Variants in MSRA observed in about 807,000 individuals in gnomAD.
MSRA encodes the protein mitochondrial peptide methionine sulfoxide reductase.
A neutral mutation model predicts 31.3 loss-of-function variants in MSRA; 54 were observed. The ratio of observed to expected loss-of-function variants is 1.73; its 90% CI spans 1.39 to 2.17. MSRA has a LOEUF of 2.17. Among genes scored for constraint, MSRA ranks in the 30% most tolerant of loss-of-function variants. MSRA has a pLI of 0.00. For missense variants in MSRA, 507 were observed against 300.9 expected (o/e 1.69, Z -5.07); for synonymous variants, 169 against 116.5 (o/e 1.45, Z -2.90).
Position 10,234,466 on chromosome 8 carries a change from G to A in MSRA, c.212-10638G>A, listed in dbSNP as rs17151402. ...CACTAGAAGAACAGATTTTTTTTTC[G>A]TTTTGCCTCCAAATTGGCCAAGGGT... On this transcript the variant is annotated intron_variant, in intron 2 of 5. Transcript: ENST00000317173. Among the ~76,000 whole-genome samples, 1,499 of 151,126 alleles carry A rather than the reference G, an allele frequency of 9.9e-3. 24 individuals carry two copies. Among genetic ancestry groups the A allele is most frequent in the African/African-American group, 0.035 (1,426 of 41,230 alleles).
chr8:10,076,605 A>C (rs1384302794), intron 1 of MSRA, among the ~76,000 whole-genome samples: 1 of 152,066 alleles, frequency 6.6e-6, no homozygotes, highest in Non-Finnish European at 1.5e-5. Flanking sequence ...TGATTGCCCC[A>C]GTCTAGTTTA....
At position 10,428,728 on chromosome 8, in the gene MSRA, T is replaced by G; in HGVS notation, c.*416T>G. ...AGCCTCAGTGACTCATTCGCTGAAA[T>G]CCTTCGCTTTACCAAATCTAGACAT... On this transcript the variant is annotated 3_prime_UTR_variant, in exon 6 of 6. Transcript: ENST00000317173. 5.1e-6 allele frequency: 1 copy of G among 194,344 alleles called. No individual in the cohort carries two copies. The highest frequency in any genetic ancestry group is 1.0e-5 in the Non-Finnish European group (1 of 97,326). 12.0% of individuals were successfully genotyped at this position (194,344 alleles called of 1,614,324 possible).
chr8:10,277,905 T>G (rs978676569), intron 3 of MSRA, among the ~76,000 whole-genome samples: 8 of 152,088 alleles, frequency 5.3e-5, no homozygotes, highest in Non-Finnish European at 1.2e-4. Flanking sequence ...AAAAACAAAT[T>G]AAGAAAAACA....
chr8:10,160,067 C>T (rs981745875), intron 1 of MSRA, among the ~76,000 whole-genome samples: 8 of 152,172 alleles, frequency 5.3e-5, no homozygotes, highest in African/African-American at 1.9e-4. Context: ...TTCTTCTTTT[C>T]ATTTTTTACA....
chr8:10,180,409 T>G (rs968147220), intron 1 of MSRA, among the ~76,000 whole-genome samples: 1 of 152,194 alleles, frequency 6.6e-6, no homozygotes, highest in Non-Finnish European at 1.5e-5. Flanking sequence ...GAACCCATTG[T>G]TTAGGGTTTT....
At chr8:10,122,025 C>G (rs13256357) in intron 1 of MSRA, among the ~76,000 whole-genome samples, 3 of 151,734 alleles carry the variant, frequency 2.0e-5, no homozygotes, top group Non-Finnish European at 2.9e-5. Context: ...TTTGGCCACA[C>G]GCATGCTTGT....
chr8:10,162,485 G>T (rs188094035), intron 1 of MSRA, among the ~76,000 whole-genome samples: 1 of 152,160 alleles, frequency 6.6e-6, no homozygotes, highest in Non-Finnish European at 1.5e-5. Context: ...GATTTCTGGG[G>T]GTGCCTGTTC....
At chr8:10,343,044 C>CACACACAG (rs1251890847) in intron 5 of MSRA, among the ~76,000 whole-genome samples, 5 of 115,702 alleles carry the variant, frequency 4.3e-5, no homozygotes, top group Non-Finnish European at 3.4e-5. Context: ...CACACACACA[C>CACACACAG]ACACACACAG....
At chr8:10,228,274 G>T (rs905697323) in intron 2 of MSRA, among the ~76,000 whole-genome samples, 1 of 152,156 alleles carries the variant, frequency 6.6e-6, no homozygotes, top group Non-Finnish European at 1.5e-5. Context: ...ATCAAGGTGC[G>T]CCCTTTTGCC....
At chr8:10,124,030 C>T (rs1801317661) in intron 1 of MSRA, among the ~76,000 whole-genome samples, 1 of 151,660 alleles carries the variant, frequency 6.6e-6, no homozygotes, top group Admixed American at 6.6e-5. Flanking sequence ...GGGGAATGGC[C>T]CTTTGACCTT....
chr8:10,234,795 A>G (rs1157412529), intron 2 of MSRA, among the ~76,000 whole-genome samples: 1 of 152,100 alleles, frequency 6.6e-6, no homozygotes, highest in East Asian at 1.9e-4. Flanking sequence ...GTATCTTAAT[A>G]TTAGAAAAAA....
intron 5 of MSRA, among the ~76,000 whole-genome samples, chr8:10,402,131 C>T (rs980257147): frequency 6.6e-6 from 1 of 152,164 alleles, no homozygotes; most frequent in East Asian, 1.9e-4. Context: ...CTTAGCTCTC[C>T]TAGTGCATTT....
At chr8:10,303,598 A>G (rs1042023690) in intron 4 of MSRA, among the ~76,000 whole-genome samples, 3 of 152,210 alleles carry the variant, frequency 2.0e-5, no homozygotes, top group Admixed American at 6.5e-5. Context: ...AGAACCACTC[A>G]TCAACACCAG....
intron 3 of MSRA, among the ~76,000 whole-genome samples, chr8:10,268,473 A>G (rs1029871460): frequency 1.3e-5 from 2 of 152,230 alleles, no homozygotes; most frequent in Non-Finnish European, 2.9e-5. Flanking sequence ...GGCATTCATT[A>G]CATATTTTCA....
At chr8:10,175,745 C>T (rs368300908) in intron 1 of MSRA, among the ~76,000 whole-genome samples, 1 of 152,218 alleles carries the variant, frequency 6.6e-6, no homozygotes, top group East Asian at 1.9e-4. Context: ...CATAGGTAAT[C>T]ATTGTCACGG....
At chr8:10,091,289 G>A (rs923550927) in intron 1 of MSRA, among the ~76,000 whole-genome samples, 2 of 152,128 alleles carry the variant, frequency 1.3e-5, no homozygotes, top group African/African-American at 4.8e-5. Context: ...GACAAAAATT[G>A]TATTTATGGT....
At chr8:10,370,912 G>A (rs940862077) in intron 5 of MSRA, among the ~76,000 whole-genome samples, 1 of 152,218 alleles carries the variant, frequency 6.6e-6, no homozygotes, top group African/African-American at 2.4e-5. Context: ...CCAGCGTTTT[G>A]TTCTGGGACG....
intron 5 of MSRA, among the ~76,000 whole-genome samples, chr8:10,398,797 C>T (rs1001286326): frequency 2.0e-5 from 3 of 152,144 alleles, no homozygotes; most frequent in Non-Finnish European, 4.4e-5. Context: ...TCTTTTTTAA[C>T]CTTATTATGT....
At chr8:10,289,222 C>A (rs1280626397) in intron 3 of MSRA, among the ~76,000 whole-genome samples, 2 of 151,990 alleles carry the variant, frequency 1.3e-5, no homozygotes, top group African/African-American at 4.8e-5. Flanking sequence ...ACCATGTTGG[C>A]CAGGATGGTC....
Sources: allele counts gnomAD v4.1 joint callset (sites outside exome capture counted in the v4.1 genomes callset), GRCh38; gene constraint gnomAD v4.1.1; transcripts MANE v1.5; gene names NCBI Gene and HGNC (gene_info 2026-07-23, HGNC 2026-07-21).